MDGA2: variants seen among roughly 807,000 people sequenced by gnomAD.
The protein encoded by MDGA2 is MAM domain containing glycosylphosphatidylinositol anchor 2.
In MDGA2, 40 loss-of-function variants were observed where a neutral mutation model predicts 117.8. That is an observed-to-expected ratio of 0.34 (90% confidence interval 0.26 to 0.44). The LOEUF (loss-of-function observed/expected upper bound fraction) is 0.44, where lower values mean the gene tolerates loss of function less well. Ranked by LOEUF, MDGA2 falls within the 20% of genes least tolerant of loss-of-function variation. The pLI, the probability that MDGA2 is intolerant of heterozygous loss-of-function variation, is 1.00. For missense variants in MDGA2, 1,123 were observed against 1,250.6 expected (o/e 0.90, Z 1.54); for synonymous variants, 452 against 439.0 (o/e 1.03, Z -0.37).
At chr14:47,155,882 CTTCTTCTTTTTTTTTTTTTTTTTTTTTTT>C (rs1566654628) in intron 3 of MDGA2, among the ~76,000 whole-genome samples, 4 of 38,828 alleles carry the variant, frequency 1.0e-4, no homozygotes, top group African/African-American at 5.3e-4. Flanking sequence ...TTTTCTTCTT[CTTCTTCTTTTTTTTTTTTTTTTTTTTTTT>C]TTTTTTTTTT....
At chr14:47,128,277 G>C (rs1314955465) in intron 5 of MDGA2, among the ~76,000 whole-genome samples, 1 of 151,972 alleles carries the variant, frequency 6.6e-6, no homozygotes, top group Non-Finnish European at 1.5e-5. Context: ...TGTTCCTATA[G>C]TTATAAAAAT....
intron 1 of MDGA2, among the ~76,000 whole-genome samples, chr14:47,478,693 T>C (rs1283607080): frequency 1.3e-5 from 2 of 152,174 alleles, no homozygotes; most frequent in Non-Finnish European, 2.9e-5. Flanking sequence ...TTATTTTATA[T>C]ATGTTTTAAT....
intron 1 of MDGA2, among the ~76,000 whole-genome samples, chr14:47,645,313 G>A (rs961733073): frequency 6.6e-6 from 1 of 151,492 alleles, no homozygotes; most frequent in Admixed American, 6.6e-5. Context: ...GCGCGATATC[G>A]GCTCCCTGCA....
In MDGA2 at chr14:47,308,679, AG is replaced by A. The variant is rs1889538812; in HGVS notation, c.281-7130del. Among the ~76,000 whole-genome samples the A allele has an allele frequency of 3.3e-5, 5 of 150,438 alleles. 1 individual carries two copies. The South Asian group carries it at 1.0e-3, about 31-fold the overall frequency. ...TGTGTCCCATTAAAAAAAAAAACAG[AG>A]ACAAAAGAGCAACATTTATCCTCCC... On this transcript the variant is annotated intron_variant, in intron 1 of 16. Transcript: ENST00000399232.
intron 3 of MDGA2, among the ~76,000 whole-genome samples, chr14:47,182,071 A>G (rs1884730603): frequency 6.6e-6 from 1 of 152,132 alleles, no homozygotes; most frequent in Non-Finnish European, 1.5e-5. Context: ...TAACACGTTA[A>G]TCTATGCTAG....
At chr14:47,099,287 C>T (rs1330412507) in intron 5 of MDGA2, among the ~76,000 whole-genome samples, 1 of 151,782 alleles carries the variant, frequency 6.6e-6, no homozygotes, top group Non-Finnish European at 1.5e-5. Context: ...TAAATATCAG[C>T]TTTTTAAAAC....
chr14:47,119,190 C>G (rs6572406), intron 5 of MDGA2, among the ~76,000 whole-genome samples: 42,872 of 74,718 alleles, frequency 0.57, 17,245 homozygotes, highest in East Asian at 0.81. Flanking sequence ...CCCCCCCCAC[C>G]CCGTAGCTGG....
chr14:47,314,579 T>C (rs1177738551), intron 1 of MDGA2, among the ~76,000 whole-genome samples: 1 of 151,762 alleles, frequency 6.6e-6, no homozygotes, highest in Non-Finnish European at 1.5e-5. Flanking sequence ...TTGTGAGGCT[T>C]AGGTGGGAGG....
chr14:47,212,743 T>C (rs1732827691), intron 3 of MDGA2, among the ~76,000 whole-genome samples: 1 of 152,208 alleles, frequency 6.6e-6, no homozygotes, highest in Non-Finnish European at 1.5e-5. Flanking sequence ...GCAAGCGATC[T>C]TTACCGCGGA....
At chr14:47,301,624 C>T in intron 1 of MDGA2, 74 bp from the exon 2 acceptor site, 1 of 1,480,824 alleles carries the variant, frequency 6.8e-7, no homozygotes, top group Non-Finnish European at 9.2e-7. Context: ...ACCATCTTGA[C>T]TATAAAAGCA....
At chr14:47,194,768 T>TC (rs1885230536) in intron 3 of MDGA2, among the ~76,000 whole-genome samples, 1 of 151,466 alleles carries the variant, frequency 6.6e-6, no homozygotes. Context: ...CACTCTCTCT[T>TC]TCTCTCTCAC....
chr14:46,892,743 T>C (rs1882930528), intron 10 of MDGA2, among the ~76,000 whole-genome samples: 1 of 151,904 alleles, frequency 6.6e-6, no homozygotes, highest in Admixed American at 6.6e-5. Flanking sequence ...GGTCAACAGG[T>C]AGATGAAAAG....
intron 15 of MDGA2, among the ~76,000 whole-genome samples, chr14:46,848,846 G>A (rs1349018001): frequency 6.6e-6 from 1 of 151,888 alleles, no homozygotes; most frequent in African/African-American, 2.4e-5. Flanking sequence ...AACAAAACTA[G>A]CAATCAACAA....
chr14:47,114,718 A>G (rs905507312), intron 5 of MDGA2, among the ~76,000 whole-genome samples: 1 of 152,186 alleles, frequency 6.6e-6, no homozygotes, highest in Non-Finnish European at 1.5e-5. Context: ...GGCTAGCCAT[A>G]TGCAGAAAAT....
At chr14:46,988,865 A>G (rs1886968712) in intron 8 of MDGA2, among the ~76,000 whole-genome samples, 1 of 151,960 alleles carries the variant, frequency 6.6e-6, no homozygotes, top group African/African-American at 2.4e-5. Context: ...GGAAAATAGT[A>G]GCATGCGCAA....
At chr14:47,392,552 C>A (rs1477821775) in intron 1 of MDGA2, among the ~76,000 whole-genome samples, 3 of 151,974 alleles carry the variant, frequency 2.0e-5, no homozygotes, top group Non-Finnish European at 4.4e-5. Context: ...CTGCCTTCAA[C>A]AAGCAGGAGA....
intron 6 of MDGA2, among the ~76,000 whole-genome samples, chr14:47,085,450 A>G (rs951615132): frequency 1.3e-5 from 2 of 152,178 alleles, no homozygotes; most frequent in East Asian, 3.9e-4. Flanking sequence ...CAGATGATCA[A>G]TATCACAGTC....
chr14:47,200,549 T>TTTTTTA, intron 3 of MDGA2: 2 of 592,442 alleles, frequency 3.4e-6, no homozygotes, highest in Non-Finnish European at 5.2e-6. Context: ...TTTTTTTTTT[T>TTTTTTA]GAGGAGTTAA....
intron 1 of MDGA2, among the ~76,000 whole-genome samples, chr14:47,465,407 G>C (rs1177400798): frequency 6.6e-6 from 1 of 151,936 alleles, no homozygotes; most frequent in East Asian, 1.9e-4. Flanking sequence ...CCTACAGAAT[G>C]AAAGAAAATT....
Sources: gnomAD v4.1 joint callset for allele counts (sites outside exome capture counted in the v4.1 genomes callset) on GRCh38, gnomAD v4.1.1 for gene constraint, MANE v1.5 for transcripts, NCBI Gene and HGNC (gene_info 2026-07-23, HGNC 2026-07-21) for gene names.